The following BDP1 variants were observed in gnomAD, a reference collection of about 807,000 sequenced individuals.
BDP1 encodes the protein BDP1 general transcription factor IIIB subunit.
Under a neutral mutation model 266.6 loss-of-function variants are expected in BDP1, and 169 were observed. The observed-to-expected ratio is 0.63, with a 90% CI of 0.56 to 0.72. The LOEUF (loss-of-function observed/expected upper bound fraction) is 0.72, where lower values mean the gene tolerates loss of function less well. Ranked by LOEUF, BDP1 falls within the 30% of genes least tolerant of loss-of-function variation. The probability of loss-of-function intolerance (pLI) is 0.00; values close to 1 mark genes in which losing one functional copy is unlikely to be tolerated. For synonymous variants in BDP1, 1,090 were observed against 1,022.4 expected (o/e 1.07, Z -1.26); for missense variants, 3,015 against 3,053.8 (o/e 0.99, Z 0.30).
rs193135814 is a variant in BDP1, at chr5:71,522,365, G to C, written c.5068G>C (p.Gly1690Arg). 132 of 1,613,844 alleles carry C rather than the reference G, an allele frequency of 8.2e-5. No individual in the cohort carries two copies. The highest frequency in any genetic ancestry group is 3.2e-4 in the Admixed American group (19 of 59,990). The change falls in exon 23 of 39, where the codon GGA (glycine) becomes CGA (arginine). Residue 1690 changes from glycine to arginine, a missense_variant. This residue lies in a region of BDP1 where 2,383 missense variants were observed against 2,404.9 expected (regional missense o/e 0.99). Transcript: ENST00000358731. ...ATTCCAAAAGGCTAAGCCAAATTTG[G>C]GAAGAGCACACAGTAAGAAAGAGGA... ...RKFQKAKPNL[G>R]RAHSKKEEPV...
intron 34 of BDP1, 41 bp from the exon 35 acceptor site, chr5:71,553,075 T>C: frequency 6.7e-7 from 1 of 1,488,674 alleles, no homozygotes; most frequent in Non-Finnish European, 9.2e-7. Context: ...GTTAAATAAC[T>C]TCTAATTCAG....
At position 71,514,676 on chromosome 5, in the gene BDP1, T is replaced by A. The variant is rs929613044; in HGVS notation, c.4471-268T>A. On this transcript the variant is annotated intron_variant, in intron 19 of 38. Transcript: ENST00000358731. ...TTATTTATTCCATCCCCTAATGATATATCTGTTTTATTTCTGATTTTTTTG... is the reference window on the plus strand; with the variant it reads ...TTATTTATTCCATCCCCTAATGATAAATCTGTTTTATTTCTGATTTTTTTG... Among the ~76,000 whole-genome samples, 15 of 152,314 alleles carry A rather than the reference T, an allele frequency of 9.8e-5. 1 individual carries two copies. Among genetic ancestry groups the A allele is most frequent in the African/African-American group, 3.6e-4 (15 of 41,582 alleles).
rs776505309 is a variant in BDP1, at chr5:71,545,194, G to C, written c.6719G>C (p.Ser2240Thr). The change falls in exon 32 of 39, where the codon AGT becomes ACT. Residue 2240 changes from serine (S) to threonine (T), a missense_variant. Coordinates refer to ENST00000358731, the MANE Select transcript of BDP1 (RefSeq NM_018429.3). Reference protein sequence around the residue: ...EPQIKDSKGDSVLTLPVPEYT... With the variant: ...EPQIKDSKGDTVLTLPVPEYT... ...CAGATAAAGGACTCTAAAGGAGACAGTGTGCTTACACTTCCTGTGCCAGAG... is the reference window on the plus strand; with the variant it reads ...CAGATAAAGGACTCTAAAGGAGACACTGTGCTTACACTTCCTGTGCCAGAG... 5.6e-6 allele frequency: 9 copies of C among 1,613,712 alleles called. No individual in the cohort carries two copies. The highest frequency in any genetic ancestry group is 7.6e-6 in the Non-Finnish European group (9 of 1,179,950).
chr5:71,565,153 G>A lies in BDP1; in HGVS notation c.*268G>A. On this transcript the variant is annotated 3_prime_UTR_variant, in exon 39 of 39. Transcript: ENST00000358731. ...AAATAACAACTCTTGTTTACATTTT[G>A]ACTCTTCCTGTGCTAAGCACACATG... 2.8e-6 allele frequency: 1 copy of A among 356,006 alleles called. No homozygotes were observed. The allele number at this position is 356,006 out of a possible 1,614,324, so 22.1% of individuals were successfully genotyped here. A position where few individuals can be genotyped will look rare whatever the true frequency, so the allele number is the denominator to read the frequency against.
intron 7 of BDP1, among the ~76,000 whole-genome samples, chr5:71,480,571 T>G (rs1580026371): frequency 1.2e-4 from 1 of 8,204 alleles, no homozygotes; most frequent in Admixed American, 2.7e-3. Context: ...TGCCCGGCCA[T>G]TTTTTTTTTT....
At position 71,515,013 on chromosome 5, in the gene BDP1, T is replaced by C. The variant is rs768900702; in HGVS notation, c.4540T>C (p.Leu1514=). ...LGHRNEEAVI[L]PCTQTERNLS... ...TCACAGGAATGAGGAGGCTGTGATA[T>C]TGCCATGTACACAGACTGAAAGGAA... The change falls in exon 20 of 39, where the codon TTG becomes CTG. Residue 1514 remains leucine, a synonymous_variant. Transcript: ENST00000358731. The C allele has an allele frequency of 2.5e-6, 4 of 1,613,046 alleles. No individual in the cohort carries two copies. In the East Asian group the frequency reaches 8.9e-5, roughly 36 times the overall value.
At chr5:71,521,493 TGTTG>T (rs1310960456) in intron 22 of BDP1, among the ~76,000 whole-genome samples, 3 of 151,872 alleles carry the variant, frequency 2.0e-5, no homozygotes, top group African/African-American at 7.3e-5. Context: ...GGTTTTTCCA[TGTTG>T]GTTAGGCTGG....
In BDP1 at chr5:71,539,525, T is replaced by A. The variant is rs759674640; in HGVS notation, c.5930-32T>A. ...AGTGAACAGATTTCCGGATTCATTC[T>A]TTTTTTTAATGTTGATATATTTCCT... is the stretch of plus-strand genomic sequence containing the variant. On this transcript the variant is annotated intron_variant, in intron 27 of 38. Coordinates refer to ENST00000358731, the MANE Select transcript of BDP1 (RefSeq NM_018429.3). 4 of 1,496,238 alleles carry A rather than the reference T, an allele frequency of 2.7e-6. No homozygotes were observed. The African/African-American group carries it at 5.6e-5, about 21-fold the overall frequency. 92.7% of individuals were successfully genotyped at this position (1,496,238 alleles called of 1,614,324 possible).
At position 71,512,240 on chromosome 5, in the gene BDP1, G is replaced by T; in HGVS notation, c.4060-1G>T. ...CTGATTTACTATGACTGTTCCTCTA[G>T]AACATTAGCAGTGAAGTACTGTCGA... On this transcript the variant is annotated splice_acceptor_variant, in intron 17 of 38. Transcript: ENST00000358731. LOFTEE classifies it high-confidence loss of function. The T allele has an allele frequency of 6.9e-7, 1 of 1,454,314 alleles. No individual in the cohort carries two copies. Among genetic ancestry groups the T allele is most frequent in the Non-Finnish European group, 9.1e-7 (1 of 1,100,052 alleles). The allele number at this position is 1,454,314 out of a possible 1,614,324, so 90.1% of individuals were successfully genotyped here.
the BDP1 span, among the ~76,000 whole-genome samples, chr5:71,572,896 C>T: frequency 6.6e-6 from 1 of 152,138 alleles, no homozygotes; most frequent in Non-Finnish European, 1.5e-5. Flanking sequence ...GTCTAAAAAT[C>T]TGAAAGAATC....
intron 7 of BDP1, among the ~76,000 whole-genome samples, chr5:71,471,468 T>C (rs557783084): frequency 2.2e-4 from 34 of 152,228 alleles, no homozygotes; most frequent in African/African-American, 7.7e-4. Flanking sequence ...CAATGCAAAA[T>C]GTATTTCAGA....
At chr5:71,569,257 C>A (rs1016488546), downstream of BDP1, among the ~76,000 whole-genome samples, 8 of 152,000 alleles carry the variant, frequency 5.3e-5, no homozygotes, top group African/African-American at 9.7e-5. Context: ...GAGGCTGAGG[C>A]GAGACATAGC....
At chr5:71,489,325 ATCT>A (rs1763446959) in intron 9 of BDP1, 76 bp from the exon 10 acceptor site, 1 of 1,025,038 alleles carries the variant, frequency 9.8e-7, no homozygotes, top group Non-Finnish European at 1.4e-6. Flanking sequence ...TACAGAGGAC[ATCT>A]TTGAGTCTCT....
intron 3 of BDP1, among the ~76,000 whole-genome samples, chr5:71,463,829 TAAA>T (rs5868597): frequency 2.0e-3 from 290 of 144,384 alleles, no homozygotes; most frequent in Middle Eastern, 7.1e-3. Context: ...GTTGTTGTAT[TAAA>T]AAAAAAAAAA....
chr5:71,510,911 T>A lies in BDP1; in HGVS notation c.3819T>A (p.Ala1273=), dbSNP rs1433256317. 8 of 1,613,684 alleles carry A rather than the reference T, an allele frequency of 5.0e-6. No homozygotes were observed. Among genetic ancestry groups the A allele is most frequent in the Non-Finnish European group, 6.8e-6 (8 of 1,179,784 alleles). Residue 1273 remains alanine, a synonymous_variant, in exon 17 of 39, where the codon GCT becomes GCA. Coordinates refer to ENST00000358731, the MANE Select transcript of BDP1 (RefSeq NM_018429.3). ...PIMEKVSGKM[A]VVEEMEADLK... ...TGGAGAAAGTATCAGGAAAGATGGC[T>A]GTTGTTGAAGAAATGGAGGCAGATT...
chr5:71,459,272 GAGGACT>G (rs1761393762), intron 2 of BDP1, among the ~76,000 whole-genome samples: 1 of 152,206 alleles, frequency 6.6e-6, no homozygotes, highest in Non-Finnish European at 1.5e-5. Context: ...AGCACTTTGG[GAGGACT>G]AGGGGGGCAG....
chr5:71,577,294 G>A, the BDP1 span, among the ~76,000 whole-genome samples: 3 of 152,132 alleles, frequency 2.0e-5, no homozygotes, highest in African/African-American at 7.2e-5. Context: ...TTGTTTACTT[G>A]GTCACACTAA....
chr5:71,516,926 A>G (rs1765255730), intron 21 of BDP1, among the ~76,000 whole-genome samples: 1 of 152,216 alleles, frequency 6.6e-6, no homozygotes. Context: ...GTTTATTTTT[A>G]ATTTCATAGC....
chr5:71,539,514 C>T (rs773402584), intron 27 of BDP1, 43 bp from the exon 28 acceptor site: 18 of 1,481,274 alleles, frequency 1.2e-5, no homozygotes, highest in South Asian at 1.0e-4. Flanking sequence ...AACAGATTTC[C>T]GGATTCATTC....
Sources: gnomAD v4.1 joint callset for allele counts (sites outside exome capture counted in the v4.1 genomes callset) on GRCh38, gnomAD v4.1.1 for gene constraint, gnomAD v4.1.1 regional missense constraint, MANE v1.5 for transcripts, NCBI Gene and HGNC (gene_info 2026-07-23, HGNC 2026-07-21) for gene names.